Variants in GALNT13 observed in about 807,000 individuals in gnomAD.
The protein encoded by GALNT13 is UDP-GalNAc:polypeptide N-acetylgalactosaminyltransferase 13.
In GALNT13, 28 loss-of-function variants were observed where a neutral mutation model predicts 64.2. That is an observed-to-expected ratio of 0.44 (90% CI 0.32 to 0.60). GALNT13 has a LOEUF of 0.60. Among genes scored for constraint, GALNT13 ranks in the 20% least tolerant of loss-of-function variants. GALNT13 has a pLI of 0.05. For synonymous variants in GALNT13, 214 were observed against 224.6 expected (o/e 0.95, Z 0.42); for missense variants, 577 against 669.8 (o/e 0.86, Z 1.53).
At chr2:153,578,833 T>C in the GALNT13 span, among the ~76,000 whole-genome samples, 1 of 152,146 alleles carries the variant, frequency 6.6e-6, no homozygotes, top group South Asian at 2.1e-4. Flanking sequence ...GCAAAACACA[T>C]TGGCGTCACT....
intron 4 of GALNT13, among the ~76,000 whole-genome samples, chr2:154,205,990 TTTATTA>T (rs367653649): frequency 6.6e-6 from 1 of 151,258 alleles, no homozygotes; most frequent in African/African-American, 2.4e-5. Context: ...TGATTTTCCT[TTTATTA>T]TTATTATTAT....
the GALNT13 span, among the ~76,000 whole-genome samples, chr2:153,796,115 G>A: frequency 6.6e-6 from 1 of 152,136 alleles, no homozygotes; most frequent in African/African-American, 2.4e-5. Flanking sequence ...AGCAATGGTG[G>A]CCTTTGTGTG....
the GALNT13 span, among the ~76,000 whole-genome samples, chr2:153,102,922 C>G: frequency 2.0e-5 from 3 of 152,126 alleles, no homozygotes; most frequent in South Asian, 6.2e-4. Flanking sequence ...CTAGCTACAA[C>G]CTCCTTTACA....
chr2:153,954,482 T>C (rs937996612), intron 3 of GALNT13, among the ~76,000 whole-genome samples: 1 of 152,040 alleles, frequency 6.6e-6, no homozygotes, highest in African/African-American at 2.4e-5. Flanking sequence ...TGCTCTTTCA[T>C]ACTCTTATCC....
chr2:154,192,581 A>C (rs540328518), intron 4 of GALNT13, among the ~76,000 whole-genome samples: 1 of 152,354 alleles, frequency 6.6e-6, no homozygotes, highest in East Asian at 1.9e-4. Flanking sequence ...TGTGCAAACA[A>C]ACATGGTGTA....
chr2:153,942,491 A>T lies in GALNT13; in HGVS notation c.-104-1903A>T, dbSNP rs114539975. Among the ~76,000 whole-genome samples the T allele has an allele frequency of 5.4e-3, 819 of 152,266 alleles. 5 individuals are homozygous for T. Among genetic ancestry groups the T allele is most frequent in the African/African-American group, 0.018 (752 of 41,562 alleles). On this transcript the variant is annotated intron_variant, in intron 2 of 12. Coordinates refer to ENST00000392825, the MANE Select transcript of GALNT13 (RefSeq NM_052917.4). ...TTTCATATCTCAAATTTAGAAAAGA[A>T]TGTACACGGTAACAGGAAATAAATA...
chr2:153,763,594 T>C, the GALNT13 span, among the ~76,000 whole-genome samples: 1 of 152,192 alleles, frequency 6.6e-6, no homozygotes, highest in Non-Finnish European at 1.5e-5. Flanking sequence ...TCCCCAGCCA[T>C]GTGGAACTGT....
chr2:153,647,761 A>T, the GALNT13 span, among the ~76,000 whole-genome samples: 1 of 152,182 alleles, frequency 6.6e-6, no homozygotes, highest in African/African-American at 2.4e-5. Context: ...GGTTTGTCAA[A>T]GATCAGATAG....
chr2:153,275,618 G>A, the GALNT13 span, among the ~76,000 whole-genome samples: 9 of 133,696 alleles, frequency 6.7e-5, 1 homozygote, highest in South Asian at 2.3e-4. Context: ...GACTGATAAT[G>A]TCTCTCTCTT....
chr2:153,505,941 G>A, the GALNT13 span, among the ~76,000 whole-genome samples: 4 of 152,198 alleles, frequency 2.6e-5, no homozygotes, highest in Middle Eastern at 3.4e-3. Flanking sequence ...CCTGTCAGTG[G>A]AGTATTGAAG....
chr2:154,003,966 C>T (rs1403176375), intron 3 of GALNT13, among the ~76,000 whole-genome samples: 1 of 152,060 alleles, frequency 6.6e-6, no homozygotes, highest in Non-Finnish European at 1.5e-5. Flanking sequence ...TTAAACTTTT[C>T]TTTATAAATT....
chr2:153,532,240 C>T, the GALNT13 span, among the ~76,000 whole-genome samples: 1 of 152,144 alleles, frequency 6.6e-6, no homozygotes, highest in Non-Finnish European at 1.5e-5. Flanking sequence ...CAGATCTCAA[C>T]TCTTGCATTC....
At chr2:153,709,260 C>G in the GALNT13 span, among the ~76,000 whole-genome samples, 2 of 151,826 alleles carry the variant, frequency 1.3e-5, no homozygotes. Context: ...GGGACTCAAA[C>G]AGATGAATAG....
chr2:153,841,428 C>T, the GALNT13 span, among the ~76,000 whole-genome samples: 2 of 152,118 alleles, frequency 1.3e-5, no homozygotes, highest in Non-Finnish European at 2.9e-5. Flanking sequence ...ATTGACTAAG[C>T]ACTTTGGGTA....
intron 9 of GALNT13, among the ~76,000 whole-genome samples, chr2:154,318,176 T>C (rs1694424958): frequency 2.0e-5 from 3 of 151,902 alleles, no homozygotes; most frequent in Non-Finnish European, 2.9e-5. Flanking sequence ...TGTGATTGAT[T>C]ATCCCTGGCT....
the GALNT13 span, among the ~76,000 whole-genome samples, chr2:153,155,835 T>A: frequency 6.6e-6 from 1 of 152,124 alleles, no homozygotes; most frequent in Non-Finnish European, 1.5e-5. Context: ...GGTTGAAAAA[T>A]TTGACATTTT....
the GALNT13 span, among the ~76,000 whole-genome samples, chr2:153,682,530 A>G: frequency 6.6e-6 from 1 of 151,748 alleles, no homozygotes; most frequent in South Asian, 2.1e-4. Context: ...CAAGACAGTC[A>G]TAACACCTGC....
At chr2:154,189,169 A>T (rs889861544) in intron 4 of GALNT13, among the ~76,000 whole-genome samples, 3 of 152,112 alleles carry the variant, frequency 2.0e-5, no homozygotes, top group Non-Finnish European at 4.4e-5. Flanking sequence ...GATGCTTTTA[A>T]TGTTCTTATT....
rs186782997 is a variant in GALNT13 at position 154,166,795 on chromosome 2, C to T, written c.311+26290C>T. ...ATATACACCATGGAATATTATGCAG[C>T]CATAAAAAAGGATGAGTTCATGTCC... On this transcript the variant is annotated intron_variant, in intron 4 of 12. Coordinates refer to ENST00000392825, the MANE Select transcript of GALNT13 (RefSeq NM_052917.4). Among the ~76,000 whole-genome samples the T allele has an allele frequency of 5.3e-5, 8 of 152,162 alleles. 2 individuals carry two copies. In the East Asian group the frequency reaches 1.5e-3, roughly 29 times the overall value.
Sources: gnomAD v4.1 joint callset for allele counts (sites outside exome capture counted in the v4.1 genomes callset) on GRCh38, gnomAD v4.1.1 for gene constraint, MANE v1.5 for transcripts, NCBI Gene and HGNC (gene_info 2026-07-23, HGNC 2026-07-21) for gene names.